SPIRE1: variants seen among roughly 807,000 people sequenced by gnomAD.
The protein encoded by SPIRE1 is protein spire homolog 1.
A neutral mutation model predicts 94.1 loss-of-function variants in SPIRE1; 40 were observed. The ratio of observed to expected loss-of-function variants is 0.43; its 90% CI spans 0.33 to 0.55. The LOEUF (loss-of-function observed/expected upper bound fraction) is 0.55, where lower values mean the gene tolerates loss of function less well. SPIRE1 is among the 20% of genes least tolerant of loss of function. The pLI, the probability that SPIRE1 is intolerant of heterozygous loss-of-function variation, is 0.06. For missense variants in SPIRE1, 838 were observed against 975.2 expected (o/e 0.86, Z 1.87); for synonymous variants, 376 against 371.7 (o/e 1.01, Z -0.13).
intron 9 of SPIRE1, 150 bp downstream of exon 9, chr18:12,485,809 C>G: frequency 1.6e-6 from 1 of 630,336 alleles, no homozygotes; most frequent in Non-Finnish European, 2.8e-6. Context: ...TGTTTTCAAA[C>G]AAGCAGAATG....
At position 12,624,312 on chromosome 18, in the gene SPIRE1, G is replaced by A. The variant is rs978207901; in HGVS notation, c.372+10750C>T. Among the ~76,000 whole-genome samples, 8 of 151,686 alleles carry A rather than the reference G, an allele frequency of 5.3e-5. No homozygotes were observed. The East Asian group carries it at 1.6e-3, about 30-fold the overall frequency. ...AATCCCAGCACTTTGGGAGGCTGAG[G>A]CGGGTGGATCACTTGTGGTCAGAAG... On this transcript the variant is annotated intron_variant, in intron 2 of 16. Coordinates refer to ENST00000409402, the MANE Select transcript of SPIRE1 (RefSeq NM_001128626.2).
intron 1 of SPIRE1, among the ~76,000 whole-genome samples, chr18:12,643,292 T>C (rs1293213036): frequency 1.3e-5 from 2 of 152,200 alleles, no homozygotes; most frequent in Non-Finnish European, 2.9e-5. Flanking sequence ...TTGCTTAAAC[T>C]TCACAAGCTC....
intron 2 of SPIRE1, among the ~76,000 whole-genome samples, chr18:12,623,051 T>C (rs962469007): frequency 3.3e-5 from 5 of 152,222 alleles, no homozygotes; most frequent in Non-Finnish European, 5.9e-5. Context: ...AGGGAAGAGA[T>C]GCCGAGAAAA....
chr18:12,533,396 T>G (rs2034744659), intron 4 of SPIRE1, among the ~76,000 whole-genome samples: 2 of 152,224 alleles, frequency 1.3e-5, no homozygotes, highest in African/African-American at 4.8e-5. Context: ...AAGCAAAATT[T>G]TAATCAAGAG....
intron 3 of SPIRE1, among the ~76,000 whole-genome samples, chr18:12,538,427 C>T (rs2034907149): frequency 6.6e-6 from 1 of 152,140 alleles, no homozygotes. Flanking sequence ...TGTCTCTCCT[C>T]TTTGCTCTAC....
At position 12,526,092 on chromosome 18, in the gene SPIRE1, C is replaced by CACACACACACACAG. The variant is rs765621602; in HGVS notation, c.729+9383_729+9384insCTGTGTGTGTGTGT. Among the ~76,000 whole-genome samples the CACACACACACACAG allele has an allele frequency of 3.8e-3, 561 of 149,028 alleles. 2 individuals are homozygous for CACACACACACACAG. The highest frequency in any genetic ancestry group is 6.2e-3 in the Non-Finnish European group (415 of 67,004). ...ACACACACACACACACACACACACA[C>CACACACACACACAG]AGAGATGTATCTGATGCCTGCAGAA... On this transcript the variant is annotated intron_variant, in intron 4 of 16. Transcript: ENST00000409402.
At chr18:12,644,198 CAAA>C (rs58693692) in intron 1 of SPIRE1, among the ~76,000 whole-genome samples, 3 of 88,664 alleles carry the variant, frequency 3.4e-5, no homozygotes, top group Admixed American at 1.4e-4. Context: ...AACTCCATCT[CAAA>C]AAAAAAAAAA....
intron 2 of SPIRE1, among the ~76,000 whole-genome samples, chr18:12,594,079 A>AC (rs2036607832): frequency 6.6e-6 from 1 of 152,246 alleles, no homozygotes; most frequent in African/African-American, 2.4e-5. Flanking sequence ...AGTCCGGGAA[A>AC]CGATCCAAGA....
intron 5 of SPIRE1, among the ~76,000 whole-genome samples, chr18:12,511,685 T>C (rs2034039829): frequency 6.6e-6 from 1 of 152,120 alleles, no homozygotes; most frequent in Non-Finnish European, 1.5e-5. Context: ...GCATTCAAAT[T>C]TACATATCAA....
chr18:12,642,554 G>A (rs911700075), intron 1 of SPIRE1, among the ~76,000 whole-genome samples: 3 of 152,152 alleles, frequency 2.0e-5, no homozygotes, highest in Admixed American at 6.5e-5. Context: ...TGGCAACACT[G>A]GAAGCTTGCA....
rs1481560660 is a variant in SPIRE1 at position 12,506,468 on chromosome 18, G to A, written c.972+9C>T. 1.2e-6 allele frequency: 2 copies of A among 1,613,580 alleles called. No homozygotes were observed. The highest frequency in any genetic ancestry group is 1.1e-5 in the South Asian group (1 of 91,024). On this transcript the variant is annotated intron_variant, in intron 6 of 16. Transcript: ENST00000409402. ...GCCACATGCCCGGCCTGACAGCTTG[G>A]TTACTTACCATCACTTTTCGCAAGG...
intron 2 of SPIRE1, among the ~76,000 whole-genome samples, chr18:12,581,230 T>A (rs145027362): frequency 6.6e-6 from 1 of 152,282 alleles, no homozygotes; most frequent in East Asian, 1.9e-4. Flanking sequence ...ATCATGGCAT[T>A]TAAGTCAATA....
At chr18:12,482,593 G>A (rs956903508) in intron 9 of SPIRE1, among the ~76,000 whole-genome samples, 1 of 151,986 alleles carries the variant, frequency 6.6e-6, no homozygotes, top group Admixed American at 6.6e-5. Flanking sequence ...ATAGTACCGG[G>A]GCACTTAAGG....
intron 2 of SPIRE1, among the ~76,000 whole-genome samples, chr18:12,612,551 G>C (rs2037172452): frequency 6.6e-6 from 1 of 152,208 alleles, no homozygotes; most frequent in Admixed American, 6.5e-5. Context: ...CCCAGGACCA[G>C]TAACTTCACC....
intron 1 of SPIRE1, among the ~76,000 whole-genome samples, chr18:12,638,432 AG>A (rs1453560399): frequency 3.3e-5 from 5 of 152,194 alleles, no homozygotes; most frequent in Non-Finnish European, 7.4e-5. Flanking sequence ...TGACAGAACA[AG>A]GCCTTGCCTC....
intron 2 of SPIRE1, among the ~76,000 whole-genome samples, chr18:12,595,948 G>A (rs573725421): frequency 2.2e-4 from 34 of 152,204 alleles, no homozygotes; most frequent in Non-Finnish European, 4.4e-4. Flanking sequence ...ATGGGGGATT[G>A]GAAGAGACAC....
At chr18:12,580,560 G>C (rs1261147165) in intron 2 of SPIRE1, among the ~76,000 whole-genome samples, 1 of 152,134 alleles carries the variant, frequency 6.6e-6, no homozygotes, top group Non-Finnish European at 1.5e-5. Flanking sequence ...CTGACCTCAG[G>C]TGATCCACCT....
intron 10 of SPIRE1, among the ~76,000 whole-genome samples, chr18:12,476,815 G>C (rs972311161): frequency 1.6e-4 from 24 of 151,904 alleles, no homozygotes; most frequent in African/African-American, 5.6e-4. Context: ...AGAGGAATAC[G>C]CTTATTTCCA....
chr18:12,651,091 C>A (rs1057025692), intron 1 of SPIRE1, among the ~76,000 whole-genome samples: 12 of 152,124 alleles, frequency 7.9e-5, no homozygotes, highest in Admixed American at 3.3e-4. Flanking sequence ...ATGACTAGAA[C>A]TATTTGCCCT....
Sources: gnomAD v4.1 joint callset for allele counts (sites outside exome capture counted in the v4.1 genomes callset) on GRCh38, gnomAD v4.1.1 for gene constraint, MANE v1.5 for transcripts, NCBI Gene and HGNC (gene_info 2026-07-23, HGNC 2026-07-21) for gene names.